CCDC180: variants seen among roughly 807,000 people sequenced by gnomAD.
The protein encoded by CCDC180 is coiled-coil domain containing 180, also known as coiled-coil domain-containing protein 180.
In CCDC180, 154 loss-of-function variants were observed where a neutral mutation model predicts 209.2. That is an observed-to-expected ratio of 0.74 (90% CI 0.65 to 0.84). The LOEUF (loss-of-function observed/expected upper bound fraction) is 0.84, where lower values mean the gene tolerates loss of function less well. Ranked by LOEUF, CCDC180 falls within the 40% of genes least tolerant of loss-of-function variation. The pLI is 0.00. For missense variants in CCDC180, 1,874 were observed against 1,997.3 expected (o/e 0.94, Z 1.18); for synonymous variants, 778 against 749.1 (o/e 1.04, Z -0.63).
intron 24 of CCDC180, among the ~76,000 whole-genome samples, chr9:97,355,559 A>G (rs955310177): frequency 6.6e-6 from 1 of 152,234 alleles, no homozygotes; most frequent in African/African-American, 2.4e-5. Context: ...CACAAGAACT[A>G]TAGGAGGCAA....
chr9:97,366,169 G>C lies in CCDC180; in HGVS notation c.4048-390G>C, dbSNP rs1247991740. On this transcript the variant is annotated intron_variant, in intron 30 of 36. Transcript: ENST00000529487. The surrounding 1 kb of genome is among the most constrained non-coding windows in gnomAD (Gnocchi z 4.3). ...GCCTTCTCCTGTCTGCCTCCCACGG[G>C]TCTGTCTGCCTCCTTCAGGGCAGGG... Among the ~76,000 whole-genome samples, 1 of 152,244 alleles carries C rather than the reference G, an allele frequency of 6.6e-6. No homozygotes were observed. Among genetic ancestry groups the C allele is most frequent in the African/African-American group, 2.4e-5 (1 of 41,468 alleles).
At chr9:97,357,421 G>A (rs1398273867) in intron 24 of CCDC180, among the ~76,000 whole-genome samples, 1 of 152,150 alleles carries the variant, frequency 6.6e-6, no homozygotes, top group East Asian at 1.9e-4. Flanking sequence ...ACACTCTGGG[G>A]TGCCAATTTT....
In CCDC180 at chr9:97,341,337, C is replaced by T. The variant is rs535974465; in HGVS notation, c.2275-2003C>T. The stretch of plus-strand genomic sequence containing the variant: ...TTCTACACTCTCTCCTCTCCGCACA[C>T]GGGGAGAGACCCACCGACCCTGTGG... On this transcript the variant is annotated intron_variant, in intron 18 of 36. Coordinates refer to ENST00000529487, the MANE Select transcript of CCDC180 (RefSeq NM_020893.6). 2.6e-3 allele frequency among the ~76,000 whole-genome samples: 394 copies of T among 152,302 alleles called. 1 individual carries two copies. Among genetic ancestry groups the T allele is most frequent in the Non-Finnish European group, 4.2e-3 (286 of 68,026 alleles).
intron 31 of CCDC180, chr9:97,369,691 T>C: frequency 2.6e-6 from 1 of 391,662 alleles, no homozygotes; most frequent in Non-Finnish European, 4.6e-6. Context: ...TCCTCCCACC[T>C]CAGCCTCCCA....
intron 21 of CCDC180, 130 bp downstream of exon 21, chr9:97,349,421 T>C: frequency 2.6e-6 from 2 of 769,456 alleles, no homozygotes; most frequent in Admixed American, 5.8e-5. Context: ...TCTTTTGAGT[T>C]AAACTCTTCA....
In CCDC180 at chr9:97,318,610, G is replaced by A. The variant is rs766322403; in HGVS notation, c.1079+28G>A. 3 of 1,607,216 alleles carry A rather than the reference G, an allele frequency of 1.9e-6. No individual in the cohort carries two copies. In the East Asian group the frequency reaches 6.7e-5, roughly 36 times the overall value. ...ATGGGCAGGAGGGGCGGCCCAGGAGGGGTGCTTCTTGGGGTGCAGTGAGGG... is the reference window on the plus strand; with the variant it reads ...ATGGGCAGGAGGGGCGGCCCAGGAGAGGTGCTTCTTGGGGTGCAGTGAGGG... On this transcript the variant is annotated intron_variant, in intron 10 of 36. Transcript: ENST00000529487.
At chr9:97,324,404 T>C (rs1194038816) in intron 13 of CCDC180, among the ~76,000 whole-genome samples, 1 of 152,160 alleles carries the variant, frequency 6.6e-6, no homozygotes, top group African/African-American at 2.4e-5. Context: ...GAAATTGGAA[T>C]TGTATGTAAT....
chr9:97,352,887 T>A (rs930998617), intron 22 of CCDC180, among the ~76,000 whole-genome samples: 4 of 151,748 alleles, frequency 2.6e-5, no homozygotes, highest in African/African-American at 9.7e-5. Context: ...AATCTATTCA[T>A]TGAGTTTTCA....
chr9:97,361,630 C>A, intron 26 of CCDC180, 96 bp from the exon 27 acceptor site: 1 of 1,325,788 alleles, frequency 7.5e-7, no homozygotes, highest in Non-Finnish European at 1.0e-6. Context: ...AGCCACTCCA[C>A]TGAGGCAGGG....
At chr9:97,317,018 G>A (rs1171286650) in intron 8 of CCDC180, 47 bp from the exon 9 acceptor site, 6 of 1,544,588 alleles carry the variant, frequency 3.9e-6, no homozygotes, top group Non-Finnish European at 5.3e-6. Flanking sequence ...GCCCTGACCC[G>A]AGAGAGACCC....
At chr9:97,370,208 TG>T in intron 32 of CCDC180, 126 bp downstream of exon 32, 1 of 1,067,332 alleles carries the variant, frequency 9.4e-7, no homozygotes. Flanking sequence ...GATTTTTGGA[TG>T]GGGGCTGAGG....
chr9:97,357,726 G>T lies in CCDC180; in HGVS notation c.3363+1G>T. ...TCAAGAGTCCAGGGGAGAGAAAACCGTAAGTGTTCAATAGATTCTGCATGT... is the reference window on the plus strand; with the variant it reads ...TCAAGAGTCCAGGGGAGAGAAAACCTTAAGTGTTCAATAGATTCTGCATGT... On this transcript the variant is annotated splice_donor_variant, in intron 25 of 36. Transcript: ENST00000529487. LOFTEE classifies it high-confidence loss of function. The T allele has an allele frequency of 6.3e-7, 1 of 1,590,856 alleles. No individual in the cohort carries two copies. The highest frequency in any genetic ancestry group is 1.7e-4 in the Middle Eastern group (1 of 6,006).
rs535694548 is a variant in CCDC180 at position 97,309,372 on chromosome 9, A to G, written c.70-42A>G. ...AGCCTGAGAGTGCTAGGAAGTCAGC[A>G]GCTCTGACCACTCCCCCATCCTTGG... On this transcript the variant is annotated intron_variant, in intron 2 of 36. Coordinates refer to ENST00000529487, the MANE Select transcript of CCDC180 (RefSeq NM_020893.6). 2.6e-5 allele frequency: 41 copies of G among 1,563,132 alleles called. No individual in the cohort carries two copies. In the East Asian group the frequency reaches 9.3e-4, roughly 35 times the overall value.
Position 97,330,305 on chromosome 9 carries a change from G to A in CCDC180, c.1829-17G>A, listed in dbSNP as rs756980702. 1 of 1,612,840 alleles carries A rather than the reference G, an allele frequency of 6.2e-7. No homozygotes were observed. Among genetic ancestry groups the A allele is most frequent in the Non-Finnish European group, 8.5e-7 (1 of 1,179,316 alleles). On this transcript the variant is annotated splice_polypyrimidine_tract_variant and intron_variant, in intron 17 of 36. Transcript: ENST00000529487. ...GTAAATTGTCTCTCCTTGTGCTTTG[G>A]TGTTTATCATCAACAGAAGCACATG...
Position 97,370,731 on chromosome 9 carries a change from C to T in CCDC180, c.4441C>T (p.Gln1481Ter). Residue 1481 changes from glutamine (Q) to a stop codon, truncating the protein, a stop_gained, in exon 33 of 37, where the codon CAG becomes TAG. Coordinates refer to ENST00000529487, the MANE Select transcript of CCDC180 (RefSeq NM_020893.6). LOFTEE classifies it high-confidence loss of function. ...ESLHLSEEER[Q>*]EELDSMIRMN... is the part of the protein sequence containing the mutation. ...TCTACACTTAAGTGAAGAGGAAAGG[C>T]AGGAAGAGCTGGACAGCATGATTAG... The T allele has an allele frequency of 6.2e-7, 1 of 1,614,086 alleles. No homozygotes were observed. Among genetic ancestry groups the T allele is most frequent in the African/African-American group, 1.3e-5 (1 of 75,030 alleles).
At chr9:97,318,178 C>A (rs1436017346) in intron 9 of CCDC180, among the ~76,000 whole-genome samples, 1 of 152,168 alleles carries the variant, frequency 6.6e-6, no homozygotes, top group African/African-American at 2.4e-5. Flanking sequence ...CCCATCAAAT[C>A]TGAGCCTGCT....
chr9:97,311,176 T>C (rs1832976559), intron 3 of CCDC180, among the ~76,000 whole-genome samples: 1 of 152,154 alleles, frequency 6.6e-6, no homozygotes, highest in African/African-American at 2.4e-5. Flanking sequence ...ACCACTGGTA[T>C]AAACCAAGCC....
intron 15 of CCDC180, among the ~76,000 whole-genome samples, chr9:97,327,675 A>G (rs2118663485): frequency 6.6e-6 from 1 of 152,278 alleles, no homozygotes; most frequent in East Asian, 1.9e-4. Context: ...TCTCTGAGAA[A>G]TAGAAGTCTG....
At chr9:97,371,573 G>T in intron 33 of CCDC180, 22 bp from the exon 34 acceptor site, 1 of 1,514,938 alleles carries the variant, frequency 6.6e-7, no homozygotes, top group East Asian at 2.3e-5. Flanking sequence ...TAGCAGCACT[G>T]TGCTCACCAT....
Sources: allele counts gnomAD v4.1 joint callset (sites outside exome capture counted in the v4.1 genomes callset), GRCh38; gene constraint gnomAD v4.1.1; non-coding constraint Gnocchi (gnomAD v3.1); transcripts MANE v1.5; gene names NCBI Gene and HGNC (gene_info 2026-07-23, HGNC 2026-07-21).